FAT3: variants seen among roughly 807,000 people sequenced by gnomAD.
The protein encoded by FAT3 is protocadherin Fat 3.
A neutral mutation model predicts 310.2 loss-of-function variants in FAT3; 95 were observed. That is an observed-to-expected ratio of 0.31 (90% confidence interval 0.26 to 0.36). The LOEUF is 0.36. FAT3 is among the 10% of genes least tolerant of loss of function. FAT3 has a pLI of 1.00. For synonymous variants in FAT3, 2,314 were observed against 2,192.9 expected, an observed-to-expected ratio of 1.06 and a Z score of -1.54; for missense variants, 5,408 against 5,715.6, an observed-to-expected ratio of 0.95 and a Z score of 1.74.
intron 2 of FAT3, among the ~76,000 whole-genome samples, chr11:92,363,926 A>T (rs1453848191): frequency 6.6e-6 from 1 of 152,158 alleles, no homozygotes; most frequent in Non-Finnish European, 1.5e-5. Flanking sequence ...GCTTCTGGAA[A>T]ATAATAAACA....
chr11:92,671,432 T>C (rs919965276), intron 3 of FAT3, among the ~76,000 whole-genome samples: 6 of 152,108 alleles, frequency 3.9e-5, no homozygotes, highest in African/African-American at 1.4e-4. Flanking sequence ...ATTAATTCAT[T>C]CCAGAAATTA....
chr11:92,534,277 G>T (rs1047138937), intron 3 of FAT3, among the ~76,000 whole-genome samples: 1 of 150,858 alleles, frequency 6.6e-6, no homozygotes, highest in South Asian at 2.1e-4. Context: ...CCACAGTCCT[G>T]GGGGGGGAGG....
At chr11:92,425,291 T>C (rs1950607640) in intron 2 of FAT3, among the ~76,000 whole-genome samples, 1 of 152,076 alleles carries the variant, frequency 6.6e-6, no homozygotes, top group East Asian at 1.9e-4. Context: ...GGTCCTGAGA[T>C]TGGTCAGAGA....
intron 3 of FAT3, among the ~76,000 whole-genome samples, chr11:92,578,647 G>A (rs530447194): frequency 1.8e-4 from 28 of 152,228 alleles, no homozygotes; most frequent in Non-Finnish European, 3.5e-4. Flanking sequence ...ATTAGGCAGC[G>A]AAGAGCGTGG....
At chr11:92,457,642 C>T (rs1246359988) in intron 2 of FAT3, among the ~76,000 whole-genome samples, 1 of 152,194 alleles carries the variant, frequency 6.6e-6, no homozygotes, top group African/African-American at 2.4e-5. Context: ...CTGAAATAGG[C>T]TGGGTGCTGT....
At chr11:92,460,365 C>T (rs1024666120) in intron 2 of FAT3, among the ~76,000 whole-genome samples, 5 of 152,194 alleles carry the variant, frequency 3.3e-5, no homozygotes, top group African/African-American at 1.2e-4. Flanking sequence ...GCCATGATCC[C>T]TGCATTGCCA....
In FAT3 at chr11:92,353,256, G is replaced by C. The variant is rs771773390; in HGVS notation, c.1144G>C (p.Asp382His). 1 of 1,613,712 alleles carries C rather than the reference G, an allele frequency of 6.2e-7. No individual in the cohort carries two copies. ...VPIRFEKEVY[D>H]VSISEFSPPG... ...CATTAGATTTGAAAAAGAAGTGTACGATGTGAGCATAAGTGAATTTTCCCC... is the reference window on the plus strand; with the variant it reads ...CATTAGATTTGAAAAAGAAGTGTACCATGTGAGCATAAGTGAATTTTCCCC... The change falls in exon 2 of 28, where the codon GAT becomes CAT. Residue 382 changes from aspartate to histidine, a missense_variant. Physicochemically the swap from Asp to His is moderately conservative, Grantham distance 81. Coordinates refer to ENST00000525166, the MANE Select transcript of FAT3 (RefSeq NM_001367949.2).
At position 92,539,423 on chromosome 11, in the gene FAT3, A is replaced by G. The variant is rs554932581; in HGVS notation, c.3607+14475A>G. Among the ~76,000 whole-genome samples, 4 of 152,194 alleles carry G rather than the reference A, an allele frequency of 2.6e-5. 1 individual carries two copies. The highest frequency in any genetic ancestry group is 9.6e-5 in the African/African-American group (4 of 41,528). ...AAATATTAGAGATGTTTTCAGTAGA[A>G]CTCTATCAATCTTTTGCTGGGTTGT... On this transcript the variant is annotated intron_variant, in intron 3 of 27. Transcript: ENST00000525166.
rs1949834137 is a variant in FAT3, at chr11:92,394,945, A to G, written c.3292+39541A>G. ...GTATCCTCAGAATTCAGTTCCCATTAAGGCAGGGATGTCTGTTTTGTTTTC... is the reference window on the plus strand; with the variant it reads ...GTATCCTCAGAATTCAGTTCCCATTGAGGCAGGGATGTCTGTTTTGTTTTC... On this transcript the variant is annotated intron_variant, in intron 2 of 27. Coordinates refer to ENST00000525166, the MANE Select transcript of FAT3 (RefSeq NM_001367949.2). 2.0e-5 allele frequency among the ~76,000 whole-genome samples: 3 copies of G among 152,190 alleles called. No individual in the cohort carries two copies. The South Asian group carries it at 6.2e-4, about 31-fold the overall frequency.
chr11:92,796,194 C>T (rs1206488349), intron 9 of FAT3, among the ~76,000 whole-genome samples: 2 of 152,198 alleles, frequency 1.3e-5, no homozygotes, highest in Non-Finnish European at 2.9e-5. Context: ...GATTCACACT[C>T]AATTCTATGA....
intron 3 of FAT3, among the ~76,000 whole-genome samples, chr11:92,595,623 T>C (rs1284060839): frequency 7.9e-5 from 12 of 152,184 alleles, no homozygotes; most frequent in African/African-American, 2.9e-4. Flanking sequence ...AATGAAGTAA[T>C]AATTAAGTCC....
At chr11:92,418,137 C>G (rs1280327984) in intron 2 of FAT3, among the ~76,000 whole-genome samples, 1 of 152,158 alleles carries the variant, frequency 6.6e-6, no homozygotes. Flanking sequence ...TCTCTTCCAA[C>G]TCTATTCCAT....
At chr11:92,264,309 CTTG>C (rs1452956821) in intron 1 of FAT3, among the ~76,000 whole-genome samples, 1 of 152,078 alleles carries the variant, frequency 6.6e-6, no homozygotes, top group Non-Finnish European at 1.5e-5. Context: ...GGCTTGTTTT[CTTG>C]TTGTATATGT....
At chr11:92,817,961 CT>C (rs1365169783) in intron 13 of FAT3, among the ~76,000 whole-genome samples, 1 of 152,192 alleles carries the variant, frequency 6.6e-6, no homozygotes, top group African/African-American at 2.4e-5. Flanking sequence ...GATGCTGCAA[CT>C]CTAGTGGAAA....
chr11:92,808,649 A>C (rs1449360390), intron 12 of FAT3, among the ~76,000 whole-genome samples: 2 of 152,182 alleles, frequency 1.3e-5, no homozygotes, highest in Non-Finnish European at 2.9e-5. Context: ...AGCTTTGGCC[A>C]GCACGGTGGC....
chr11:92,700,641 C>G (rs1260711305), intron 4 of FAT3, among the ~76,000 whole-genome samples: 1 of 152,116 alleles, frequency 6.6e-6, no homozygotes, highest in Non-Finnish European at 1.5e-5. Flanking sequence ...ATTTTTAAAC[C>G]ACAGGTAATC....
intron 3 of FAT3, among the ~76,000 whole-genome samples, chr11:92,561,567 C>G (rs2135470759): frequency 6.6e-6 from 1 of 152,104 alleles, no homozygotes; most frequent in Middle Eastern, 3.4e-3. Flanking sequence ...TGGTTTGTTT[C>G]AAACTGGCAT....
chr11:92,692,322 G>C (rs1943819180), intron 3 of FAT3, among the ~76,000 whole-genome samples: 1 of 152,140 alleles, frequency 6.6e-6, no homozygotes, highest in African/African-American at 2.4e-5. Flanking sequence ...GATAAATTTT[G>C]CTTGGTACCT....
intron 13 of FAT3, among the ~76,000 whole-genome samples, chr11:92,823,042 A>G (rs1300146728): frequency 6.6e-6 from 1 of 151,964 alleles, no homozygotes; most frequent in Non-Finnish European, 1.5e-5. Flanking sequence ...CTCTCCAACA[A>G]TCAACTCTAT....
Sources: gnomAD v4.1 joint callset for allele counts (sites outside exome capture counted in the v4.1 genomes callset) on GRCh38, gnomAD v4.1.1 for gene constraint, MANE v1.5 for transcripts, NCBI Gene and HGNC (gene_info 2026-07-23, HGNC 2026-07-21) for gene names.